The following HEATR6 variants were observed in gnomAD, a reference collection of about 807,000 sequenced individuals.
HEATR6 encodes the protein HEAT repeat containing 6, also known as HEAT repeat-containing protein 6.
In HEATR6, 106 loss-of-function variants were observed where a neutral mutation model predicts 132.8. That is an observed-to-expected ratio of 0.80 (90% CI 0.68 to 0.94). The LOEUF is 0.94. Among genes scored for constraint, HEATR6 ranks in the 40% least tolerant of loss-of-function variants. The probability of loss-of-function intolerance (pLI) is 0.00; values close to 1 mark genes in which losing one functional copy is unlikely to be tolerated. For synonymous variants in HEATR6, 529 were observed against 537.8 expected (o/e 0.98, Z 0.23); for missense variants, 1,339 against 1,425.1 (o/e 0.94, Z 0.97).
Position 60,059,499 on chromosome 17 carries a change from T to C in HEATR6, c.1646A>G (p.Asn549Ser). The C allele has an allele frequency of 1.9e-6, 3 of 1,613,002 alleles. No homozygotes were observed. The highest frequency in any genetic ancestry group is 2.5e-6 in the Non-Finnish European group (3 of 1,179,458). Residue 549 changes from asparagine (N) to serine (S), a missense_variant, in exon 11 of 20, where the codon AAT becomes AGT. Transcript: ENST00000184956. The part of the protein sequence containing the change: ...IIKCLANLVS[N>S]APYDRLKLSL... ...GAGTTTTAGACGATCATAAGGTGCATTTGATACTAAATTTGCAAGGCACTG... is the reference window on the plus strand; with the variant it reads ...GAGTTTTAGACGATCATAAGGTGCACTTGATACTAAATTTGCAAGGCACTG...
chr17:60,055,393 A>G, intron 14 of HEATR6, 122 bp downstream of exon 14: 1 of 589,258 alleles, frequency 1.7e-6, no homozygotes. Flanking sequence ...TTCCTGGATT[A>G]TAAAACATAA....
chr17:60,057,300 A>C lies in HEATR6; in HGVS notation c.1827T>G (p.Ser609=), dbSNP rs542279411. The change falls in exon 12 of 20, where the codon TCT becomes TCG. Residue 609 remains serine (S), a synonymous_variant. Transcript: ENST00000184956. ...VQLLLQQPCS[S]GLGNSNSATP... is the part of the protein sequence containing the mutation. ...TTGCTGAATTGCTATTACCGAGTCCAGAAGAACATGGCTGTTGCAGAAGTA... is the reference window on the plus strand; with the variant it reads ...TTGCTGAATTGCTATTACCGAGTCCCGAAGAACATGGCTGTTGCAGAAGTA... 6.2e-7 allele frequency: 1 copy of C among 1,614,220 alleles called. No individual in the cohort carries two copies. The highest frequency in any genetic ancestry group is 2.2e-5 in the East Asian group (1 of 44,886).
rs1906860461 is a variant in HEATR6 at position 60,059,417 on chromosome 17, C to T, written c.1723+5G>A. 1.9e-6 allele frequency: 3 copies of T among 1,588,924 alleles called. No homozygotes were observed. Among genetic ancestry groups the T allele is most frequent in the Non-Finnish European group, 2.6e-6 (3 of 1,161,278 alleles). ...AGAAGCCATCAGTTTTAAGCCACTA[C>T]AAACCTTTGTGGCGAATATAAGGCT... On this transcript the variant is annotated splice_donor_5th_base_variant and intron_variant, in intron 11 of 19. Coordinates refer to ENST00000184956, the MANE Select transcript of HEATR6 (RefSeq NM_022070.5).
chr17:60,075,800 C>T (rs538160279), intron 2 of HEATR6: 17 of 151,978 alleles, frequency 1.1e-4, no homozygotes, highest in Admixed American at 5.4e-4. Context: ...GCTGAGATCG[C>T]GCCACACTCC....
At chr17:60,055,042 C>G (rs1490204402) in intron 14 of HEATR6, among the ~76,000 whole-genome samples, 1 of 152,116 alleles carries the variant, frequency 6.6e-6, no homozygotes, top group Non-Finnish European at 1.5e-5. Flanking sequence ...TGAGTGAACT[C>G]TCACTCTATG....
In HEATR6 at chr17:60,046,180, T is replaced by C. The variant is rs370637299; in HGVS notation, c.2819A>G (p.Gln940Arg). The change falls in exon 19 of 20, where the codon CAA (glutamine) becomes CGA (arginine). Residue 940 changes from glutamine to arginine, a missense_variant. Gln to Arg is a conservative substitution (Grantham distance 43). Coordinates refer to ENST00000184956, the MANE Select transcript of HEATR6 (RefSeq NM_022070.5). ...TGTGGGTTTTTCTATATGAGAGGGT[T>C]GCAGAAAATGAAGCAAATTTCCAAG... ...RALGNLLHFL[Q>R]PSHIEKPTFA... 2.1e-5 allele frequency: 34 copies of C among 1,614,008 alleles called. No individual in the cohort carries two copies. The African/African-American group carries it at 3.9e-4, about 18-fold the overall frequency.
chr17:60,057,197 G>A lies in HEATR6; in HGVS notation c.1930C>T (p.Pro644Ser). ...CAGCAGGGCTCTGAAGACCCCTTAG[G>A]TGAGCTAACTGACGTTTCTTCCAGA... ...PSLEETSVSS[P>S]KGSSEPCWLI... is the part of the protein sequence containing the mutation. The change falls in exon 12 of 20, where the codon CCT (proline) becomes TCT (serine). Residue 644 changes from proline to serine, a missense_variant. Transcript: ENST00000184956. The A allele has an allele frequency of 1.9e-6, 3 of 1,614,226 alleles. No individual in the cohort carries two copies. The highest frequency in any genetic ancestry group is 2.5e-6 in the Non-Finnish European group (3 of 1,180,030).
chr17:60,075,990 G>T, intron 2 of HEATR6, 140 bp downstream of exon 2: 1 of 531,480 alleles, frequency 1.9e-6, no homozygotes, highest in Non-Finnish European at 3.3e-6. Flanking sequence ...TGCTTTAAAA[G>T]CATTCTTATT....
chr17:60,058,734 G>A, intron 11 of HEATR6, among the ~76,000 whole-genome samples: 1 of 152,126 alleles, frequency 6.6e-6, no homozygotes, highest in East Asian at 1.9e-4. Flanking sequence ...CAGACCCTTG[G>A]ATTGACTTCA....
rs2083248471 is a variant in HEATR6, at chr17:60,067,545, G to C, written c.1127C>G (p.Ala376Gly). ...TGAGGAGACTCCATCTTTTTCTGCA[G>C]CTCCACTTCCATCTAAAGGCAAACT... is the stretch of plus-strand genomic sequence containing the variant. ...VQSLPLDGSG[A>G]AEKDGVSSSF... Residue 376 changes from alanine (A) to glycine (G), a missense_variant, in exon 8 of 20, where the codon GCT becomes GGT. Ala to Gly is a moderately conservative substitution (Grantham distance 60). Coordinates refer to ENST00000184956, the MANE Select transcript of HEATR6 (RefSeq NM_022070.5). The C allele has an allele frequency of 1.8e-5, 29 of 1,613,514 alleles. No individual in the cohort carries two copies. The highest frequency in any genetic ancestry group is 3.3e-5 in the Admixed American group (2 of 59,888).
At chr17:60,072,364 T>A (rs763870391) in intron 4 of HEATR6, 35 bp from the exon 5 acceptor site, 5 of 1,221,804 alleles carry the variant, frequency 4.1e-6, no homozygotes, top group South Asian at 4.0e-5. Context: ...TCAAACTCAG[T>A]CTCCTTTAAA....
rs1033412287 is a variant in HEATR6, at chr17:60,078,868, C to T, written c.47G>A (p.Arg16Gln). The T allele has an allele frequency of 1.3e-6, 2 of 1,524,162 alleles. No homozygotes were observed. The highest frequency in any genetic ancestry group is 1.9e-5 in the Admixed American group (1 of 52,728). 94.4% of individuals were successfully genotyped at this position (1,524,162 alleles called of 1,614,324 possible). The change falls in exon 1 of 20, where the codon CGG becomes CAG. Residue 16 changes from arginine (R) to glutamine (Q), a missense_variant. Transcript: ENST00000184956. Reference sequence around the variant, plus strand: ...AGGGATTGCTTCCCGCGGTGCCTCCCGCGGCTGCACGGAAGGCCACGAACC... The same window carrying T: ...AGGGATTGCTTCCCGCGGTGCCTCCTGCGGCTGCACGGAAGGCCACGAACC... ...VVGSWPSVQP[R>Q]EAPREAIPER...
intron 14 of HEATR6, among the ~76,000 whole-genome samples, chr17:60,051,347 G>C (rs1436296894): frequency 1.3e-5 from 2 of 152,156 alleles, no homozygotes; most frequent in Non-Finnish European, 2.9e-5. Flanking sequence ...TTTATTCCTT[G>C]GCACAAATAA....
At position 60,046,040 on chromosome 17, in the gene HEATR6, G is replaced by T. The variant is rs1906353793; in HGVS notation, c.2959C>A (p.Pro987Thr). ...ACTTTCTTACCTAAAGGAAGGGCAG[G>T]ATTTTTAAATACATTTCCCATTGCA... ...CYAMGNVFKN[P>T]ALPLGTAPWT... The change falls in exon 19 of 20, where the codon CCT (proline) becomes ACT (threonine). Residue 987 changes from proline to threonine, a missense_variant. Physicochemically the swap from Pro to Thr is conservative, Grantham distance 38 (BLOSUM62 -1). Transcript: ENST00000184956. 6.2e-7 allele frequency: 1 copy of T among 1,613,678 alleles called. No homozygotes were observed. The highest frequency in any genetic ancestry group is 1.1e-5 in the South Asian group (1 of 91,044).
Position 60,048,972 on chromosome 17 carries a change from CATATATATATAATATATAT to C in HEATR6, c.2547+589_2548-585del, listed in dbSNP as rs555264672. On this transcript the variant is annotated intron_variant, in intron 16 of 19. Coordinates refer to ENST00000184956, the MANE Select transcript of HEATR6 (RefSeq NM_022070.5). ...GTAATTAAAAATTAAAAATAAATAA[CATATATATATAATATATAT>C]ATATATATATATATATATATATATA... Among the ~76,000 whole-genome samples, 98 of 59,522 alleles carry C rather than the reference CATATATATATAATATATAT, an allele frequency of 1.6e-3. 1 individual carries two copies. The highest frequency in any genetic ancestry group is 0.014 in the African/African-American group (80 of 5,774). The allele number at this position is 59,522 out of a possible 152,430, so 39.0% of individuals were successfully genotyped here.
rs112006013 is a variant in HEATR6, at chr17:60,042,403, C to T, written c.*1160G>A. ...ACTGTCAGCATCCTCGCGTCCTGTGCGGCTGTGAGGCACTGTCAGCATCCT... is the reference window on the plus strand; with the variant it reads ...ACTGTCAGCATCCTCGCGTCCTGTGTGGCTGTGAGGCACTGTCAGCATCCT... On this transcript the variant is annotated 3_prime_UTR_variant, in exon 20 of 20. Coordinates refer to ENST00000184956, the MANE Select transcript of HEATR6 (RefSeq NM_022070.5). Among the ~76,000 whole-genome samples, 199 of 115,354 alleles carry T rather than the reference C, an allele frequency of 1.7e-3. No individual in the cohort carries two copies. The highest frequency in any genetic ancestry group is 0.011 in the Middle Eastern group (2 of 180). 75.7% of individuals were successfully genotyped at this position (115,354 alleles called of 152,430 possible).
intron 15 of HEATR6, among the ~76,000 whole-genome samples, chr17:60,050,630 C>T (rs1053158875): frequency 2.0e-5 from 3 of 152,198 alleles, no homozygotes; most frequent in Admixed American, 6.5e-5. Flanking sequence ...ACCACCTACA[C>T]TCTCATGCAC....
chr17:60,047,712 C>T (rs1906419260), intron 17 of HEATR6, among the ~76,000 whole-genome samples: 1 of 151,834 alleles, frequency 6.6e-6, no homozygotes, highest in African/African-American at 2.4e-5. Context: ...TTAATCATCA[C>T]ACAGTGATAA....
intron 3 of HEATR6, 55 bp from the exon 4 acceptor site, chr17:60,073,334 TG>T: frequency 9.8e-7 from 1 of 1,015,492 alleles, no homozygotes; most frequent in Non-Finnish European, 1.5e-6. Context: ...GAAAATATTA[TG>T]TTTTAGACAG....
Sources: allele counts gnomAD v4.1 joint callset (sites outside exome capture counted in the v4.1 genomes callset), GRCh38; gene constraint gnomAD v4.1.1; transcripts MANE v1.5; gene names NCBI Gene and HGNC (gene_info 2026-07-23, HGNC 2026-07-21).